The following ANO3 variants were observed in gnomAD, a reference collection of about 807,000 sequenced individuals.
ANO3 encodes the protein anoctamin-3.
A neutral mutation model predicts 144.8 loss-of-function variants in ANO3; 99 were observed. The ratio of observed to expected loss-of-function variants is 0.68; its 90% CI spans 0.58 to 0.81. The LOEUF is 0.81. Ranked by LOEUF, ANO3 falls within the 30% of genes least tolerant of loss-of-function variation. The pLI is 0.00. For synonymous variants in ANO3, 414 were observed against 392.6 expected (o/e 1.05, Z -0.64); for missense variants, 905 against 1,202.2 (o/e 0.75, Z 3.66).
At chr11:26,491,896 A>G (rs1006928429) in intron 4 of ANO3, among the ~76,000 whole-genome samples, 3 of 152,244 alleles carry the variant, frequency 2.0e-5, no homozygotes, top group South Asian at 2.1e-4. Flanking sequence ...AGTTAATTAC[A>G]TATACATTAT....
chr11:26,420,278 C>T (rs887635487), intron 1 of ANO3, among the ~76,000 whole-genome samples: 2 of 152,068 alleles, frequency 1.3e-5, no homozygotes, highest in East Asian at 3.9e-4. Flanking sequence ...AAATTTTAGT[C>T]TCTGGTGGTA....
At chr11:26,478,800 GTCTCT>G (rs1240846066) in intron 4 of ANO3, among the ~76,000 whole-genome samples, 2 of 152,030 alleles carry the variant, frequency 1.3e-5, no homozygotes, top group Non-Finnish European at 2.9e-5. Flanking sequence ...ATAACTAGGG[GTCTCT>G]TCTCAGACCA....
intron 1 of ANO3, among the ~76,000 whole-genome samples, chr11:26,365,976 A>G (rs71462712): frequency 2.3e-4 from 1 of 4,344 alleles, no homozygotes; most frequent in South Asian, 0.017. Context: ...ATATATATAT[A>G]TATATATATA....
At chr11:26,553,961 G>C (rs1427507068) in intron 13 of ANO3, among the ~76,000 whole-genome samples, 1 of 152,098 alleles carries the variant, frequency 6.6e-6, no homozygotes, top group Non-Finnish European at 1.5e-5. Flanking sequence ...AACATGTAAT[G>C]AAATGTACCT....
chr11:26,255,243 C>G (rs1161529796), intron 1 of ANO3, among the ~76,000 whole-genome samples: 1 of 152,124 alleles, frequency 6.6e-6, no homozygotes, highest in Non-Finnish European at 1.5e-5. Context: ...TCTAATTTCA[C>G]TTTGTATTTC....
chr11:26,384,934 G>A (rs1441551238), intron 1 of ANO3, among the ~76,000 whole-genome samples: 3 of 152,276 alleles, frequency 2.0e-5, no homozygotes, highest in Non-Finnish European at 2.9e-5. Context: ...CTAAGAATTT[G>A]ATTTTGCCTA....
chr11:26,315,405 T>C (rs1165939590), intron 1 of ANO3, among the ~76,000 whole-genome samples: 1 of 152,182 alleles, frequency 6.6e-6, no homozygotes. Context: ...AAGCTTAGAA[T>C]ATCTAATGCT....
intron 1 of ANO3, among the ~76,000 whole-genome samples, chr11:26,260,701 C>T (rs925995861): frequency 7.2e-5 from 11 of 152,310 alleles, no homozygotes; most frequent in Admixed American, 7.2e-4. Context: ...TAAATGTCCC[C>T]ACTGCCAAGG....
intron 7 of ANO3, among the ~76,000 whole-genome samples, chr11:26,529,763 G>C (rs1486646834): frequency 6.6e-6 from 1 of 151,816 alleles, no homozygotes; most frequent in African/African-American, 2.4e-5. Flanking sequence ...TAGACTTTCA[G>C]AGTCCATCTC....
At position 26,534,475 on chromosome 11, in the gene ANO3, GACAC is replaced by G; in HGVS notation, c.890_893del (p.Asp297AlafsTer11). 11 of 1,611,616 alleles carry G rather than the reference GACAC, an allele frequency of 6.8e-6. No homozygotes were observed. The highest frequency in any genetic ancestry group is 9.3e-6 in the Non-Finnish European group (11 of 1,178,366). ...TAACAGCTTCATAATAAATAATAAA[GACAC>G]CTTCTTCAGCAATGCTACTCGAAGC... On this transcript the variant is annotated frameshift_variant, in exon 9 of 27. Coordinates refer to ENST00000256737, the MANE Select transcript of ANO3 (RefSeq NM_031418.4). LOFTEE classifies it high-confidence loss of function.
At chr11:26,256,090 T>C (rs1051399273) in intron 1 of ANO3, among the ~76,000 whole-genome samples, 8 of 152,160 alleles carry the variant, frequency 5.3e-5, no homozygotes, top group African/African-American at 1.9e-4. Flanking sequence ...AGGAAGGATC[T>C]GTTAAGCCTG....
chr11:26,569,033 C>T (rs1850712512), intron 14 of ANO3, among the ~76,000 whole-genome samples: 1 of 151,940 alleles, frequency 6.6e-6, no homozygotes, highest in South Asian at 2.1e-4. Context: ...CTTAGCTGTT[C>T]TTCTATTTTT....
At chr11:26,564,394 C>A (rs1850432084) in intron 14 of ANO3, among the ~76,000 whole-genome samples, 1 of 149,584 alleles carries the variant, frequency 6.7e-6, no homozygotes, top group East Asian at 2.0e-4. Context: ...CTTAAGTAAA[C>A]CACACTGGAA....
chr11:26,213,684 T>C (rs1160657141), intron 1 of ANO3, among the ~76,000 whole-genome samples: 1 of 152,122 alleles, frequency 6.6e-6, no homozygotes, highest in Non-Finnish European at 1.5e-5. Flanking sequence ...ACCAATATCA[T>C]GAAAATGGCC....
chr11:26,454,728 C>G (rs937885201), intron 3 of ANO3, among the ~76,000 whole-genome samples: 1 of 152,058 alleles, frequency 6.6e-6, no homozygotes, highest in Non-Finnish European at 1.5e-5. Flanking sequence ...TTTTATGAGG[C>G]CAGCATCTTC....
intron 1 of ANO3, among the ~76,000 whole-genome samples, chr11:26,335,067 G>A (rs1855158256): frequency 6.6e-6 from 1 of 152,102 alleles, no homozygotes; most frequent in Non-Finnish European, 1.5e-5. Flanking sequence ...ATGCCAGACT[G>A]GTTATCTGGG....
intron 11 of ANO3, among the ~76,000 whole-genome samples, chr11:26,544,267 TATATATACACACATAC>T (rs1402740521): frequency 1.3e-5 from 1 of 75,370 alleles, no homozygotes; most frequent in African/African-American, 4.5e-5. Flanking sequence ...TATATATATA[TATATATACACACATAC>T]ACACACACAC....
intron 1 of ANO3, among the ~76,000 whole-genome samples, chr11:26,363,829 C>CAA (rs11424661): frequency 0.12 from 17,008 of 147,686 alleles, 1,164 homozygotes; most frequent in Admixed American, 0.19. Context: ...ATACATACTG[C>CAA]AAAAAAAAAA....
intron 5 of ANO3, among the ~76,000 whole-genome samples, chr11:26,510,670 C>G (rs1861629961): frequency 6.6e-6 from 1 of 152,148 alleles, no homozygotes; most frequent in Admixed American, 6.5e-5. Context: ...AACAAACTAA[C>G]AAACTCACTG....
Sources: allele counts gnomAD v4.1 joint callset (sites outside exome capture counted in the v4.1 genomes callset), GRCh38; gene constraint gnomAD v4.1.1; transcripts MANE v1.5; gene names NCBI Gene and HGNC (gene_info 2026-07-23, HGNC 2026-07-21).